Variants in ERBB4 observed in about 807,000 individuals in gnomAD.
ERBB4 encodes the protein erb-b2 receptor tyrosine kinase 4.
ERBB4 carries 42 observed loss-of-function variants against 158.0 expected under a neutral mutation model. The ratio of observed to expected loss-of-function variants is 0.27; its 90% confidence interval spans 0.21 to 0.34. The LOEUF is 0.34. ERBB4 is among the 10% of genes least tolerant of loss of function. The pLI is 1.00. For synonymous variants in ERBB4, 583 were observed against 558.7 expected, an observed-to-expected ratio of 1.04 and a Z score of -0.61; for missense variants, 1,333 against 1,624.1, an observed-to-expected ratio of 0.82 and a Z score of 3.08.
chr2:211,482,364 T>C (rs982274012), intron 20 of ERBB4, among the ~76,000 whole-genome samples: 2 of 152,178 alleles, frequency 1.3e-5, no homozygotes, highest in Non-Finnish European at 2.9e-5. Context: ...GGGTCATGCC[T>C]CAGTATTGGG....
At chr2:212,288,472 T>C (rs955996501) in intron 1 of ERBB4, among the ~76,000 whole-genome samples, 5 of 151,998 alleles carry the variant, frequency 3.3e-5, no homozygotes, top group African/African-American at 1.2e-4. Context: ...GCCTGAGCAC[T>C]GGGAGGAATG....
intron 1 of ERBB4, among the ~76,000 whole-genome samples, chr2:212,274,115 T>C (rs993449958): frequency 3.3e-5 from 5 of 151,928 alleles, no homozygotes; most frequent in Non-Finnish European, 5.9e-5. Context: ...GAGAGGAAAA[T>C]AGATTTACAG....
rs34771067 is a variant in ERBB4, at chr2:211,437,749, A to AT, written c.2488-6650dup. Among the ~76,000 whole-genome samples, 134 of 150,722 alleles carry AT rather than the reference A, an allele frequency of 8.9e-4. 2 individuals carry two copies. The highest frequency in any genetic ancestry group is 8.4e-4 in the South Asian group (4 of 4,740). On this transcript the variant is annotated intron_variant, in intron 20 of 27. Transcript: ENST00000342788. ...TAATCTCTAGAGTTAGCAAGAGAGC[A>AT]TTTTTTTTTTCTGTTTTCATTCTAA...
intron 19 of ERBB4, among the ~76,000 whole-genome samples, chr2:211,618,627 T>C (rs1470425775): frequency 6.6e-6 from 1 of 152,148 alleles, no homozygotes; most frequent in Non-Finnish European, 1.5e-5. Flanking sequence ...CCCAGGTTCT[T>C]GGTCTGTCAT....
At position 212,275,270 on chromosome 2, in the gene ERBB4, T is replaced by C. The variant is rs550246510; in HGVS notation, c.83-150367A>G. ...CTCTTTATAGTAGCATGATTTATAA[T>C]CCTTTGGGTATATACCCAGTAATGG... On this transcript the variant is annotated intron_variant, in intron 1 of 27. Coordinates refer to ENST00000342788, the MANE Select transcript of ERBB4 (RefSeq NM_005235.3). Among the ~76,000 whole-genome samples, 101 of 152,086 alleles carry C rather than the reference T, an allele frequency of 6.6e-4. 2 individuals carry two copies. The South Asian group carries it at 0.02, about 30-fold the overall frequency.
intron 5 of ERBB4, among the ~76,000 whole-genome samples, chr2:211,747,006 T>G (rs928148108): frequency 6.6e-6 from 1 of 152,124 alleles, no homozygotes; most frequent in Non-Finnish European, 1.5e-5. Flanking sequence ...GCTTTATTCT[T>G]TAGTGACTTT....
chr2:211,974,010 C>G (rs1002964783), intron 2 of ERBB4, among the ~76,000 whole-genome samples: 1 of 152,158 alleles, frequency 6.6e-6, no homozygotes, highest in East Asian at 1.9e-4. Context: ...TGTTCTCACT[C>G]ATAAGTGAGA....
chr2:211,687,284 G>A (rs1426864207), intron 12 of ERBB4, among the ~76,000 whole-genome samples: 1 of 138,460 alleles, frequency 7.2e-6, no homozygotes. Context: ...CAGCCTGGGT[G>A]ACAGAGCAAG....
At chr2:212,249,971 T>G (rs1210285694) in intron 1 of ERBB4, among the ~76,000 whole-genome samples, 3 of 151,978 alleles carry the variant, frequency 2.0e-5, no homozygotes, top group African/African-American at 7.2e-5. Flanking sequence ...AAGGTTTGAG[T>G]TGTAGATACC....
intron 1 of ERBB4, among the ~76,000 whole-genome samples, chr2:212,298,799 T>C (rs1470018538): frequency 4.6e-5 from 7 of 151,704 alleles, no homozygotes; most frequent in African/African-American, 1.7e-4. Flanking sequence ...AGACAGAAAT[T>C]AGGTGAGTAG....
At chr2:212,022,997 G>A (rs2125331588) in intron 2 of ERBB4, among the ~76,000 whole-genome samples, 1 of 152,144 alleles carries the variant, frequency 6.6e-6, no homozygotes, top group Non-Finnish European at 1.5e-5. Flanking sequence ...GAAGTTTGAA[G>A]TTCATTTTTT....
At chr2:211,972,863 A>G (rs72935767) in intron 2 of ERBB4, among the ~76,000 whole-genome samples, 6,689 of 152,276 alleles carry the variant, frequency 0.044, 228 homozygotes, top group African/African-American at 0.095. Flanking sequence ...TTCATGATGA[A>G]GGCACCCACA....
At chr2:211,670,861 A>G (rs1413788660) in intron 14 of ERBB4, among the ~76,000 whole-genome samples, 5 of 152,206 alleles carry the variant, frequency 3.3e-5, no homozygotes, top group African/African-American at 1.2e-4. Flanking sequence ...ATTCATAGGT[A>G]AAGTGGTCAC....
intron 3 of ERBB4, among the ~76,000 whole-genome samples, chr2:211,945,806 G>A (rs1054845814): frequency 5.3e-5 from 8 of 152,134 alleles, no homozygotes; most frequent in Admixed American, 4.6e-4. Context: ...AATTCTCTAT[G>A]TGGAAAGATT....
chr2:211,520,475 A>G (rs866160789), intron 20 of ERBB4, among the ~76,000 whole-genome samples: 1 of 152,102 alleles, frequency 6.6e-6, no homozygotes, highest in Admixed American at 6.5e-5. Context: ...CAAACTAAGA[A>G]TGGTTTTTAC....
chr2:211,810,932 C>T (rs989437898), intron 3 of ERBB4, among the ~76,000 whole-genome samples: 7 of 152,102 alleles, frequency 4.6e-5, no homozygotes, highest in South Asian at 4.1e-4. Context: ...CCTCGGCCTC[C>T]CAAAGTGCTG....
intron 25 of ERBB4, among the ~76,000 whole-genome samples, chr2:211,398,779 C>T (rs575724215): frequency 1.6e-4 from 24 of 152,238 alleles, no homozygotes; most frequent in East Asian, 7.7e-4. Context: ...TGCAGTAAGC[C>T]GAGATTGCGC....
rs201380856 is a variant in ERBB4 at position 212,322,454 on chromosome 2, A to AAAC, written c.83-197554_83-197552dup. 5.4e-3 allele frequency among the ~76,000 whole-genome samples: 814 copies of AAAC among 150,800 alleles called. 12 individuals carry two copies. Among genetic ancestry groups the AAAC allele is most frequent in the African/African-American group, 0.017 (724 of 41,392 alleles). ...TATAAAAAAAAATCCACTATTTTAA[A>AAAC]AACTATTTTATGTGATTACTAAATG... On this transcript the variant is annotated intron_variant, in intron 1 of 27. Transcript: ENST00000342788.
intron 19 of ERBB4, among the ~76,000 whole-genome samples, chr2:211,574,487 G>A (rs543321638): frequency 6.6e-6 from 1 of 152,176 alleles, no homozygotes; most frequent in Non-Finnish European, 1.5e-5. Context: ...ATGAATTCTT[G>A]TAGTTTTAGG....
Sources: allele counts gnomAD v4.1 joint callset (sites outside exome capture counted in the v4.1 genomes callset), GRCh38; gene constraint gnomAD v4.1.1; transcripts MANE v1.5; gene names NCBI Gene and HGNC (gene_info 2026-07-23, HGNC 2026-07-21).